The following HIVEP3 variants were observed in gnomAD, a reference collection of about 807,000 sequenced individuals.
The protein encoded by HIVEP3 is transcription factor HIVEP3.
Under a neutral mutation model 152.8 loss-of-function variants are expected in HIVEP3, and 49 were observed. That is an observed-to-expected ratio of 0.32 (90% CI 0.26 to 0.41). The LOEUF (loss-of-function observed/expected upper bound fraction) is 0.41. Among genes scored for constraint, HIVEP3 ranks in the 10% least tolerant of loss-of-function variants. HIVEP3 has a pLI of 1.00. For missense variants in HIVEP3, 2,790 were observed against 3,103.3 expected (o/e 0.90, Z 2.40); for synonymous variants, 1,269 against 1,289.0 (o/e 0.98, Z 0.33).
Position 41,632,405 on chromosome 1 carries a change from G to GA in HIVEP3, c.-720-3459dup, listed in dbSNP as rs750687200. On this transcript the variant is annotated intron_variant, in intron 2 of 8. Transcript: ENST00000372583. ...ATGGTGTCTGAATGTGTAAGAGAGAGAAAAAAGAAAGAGGATATTTAAAAC... is the reference window on the plus strand; with the variant it reads ...ATGGTGTCTGAATGTGTAAGAGAGAGAAAAAAAGAAAGAGGATATTTAAAAC... Among the ~76,000 whole-genome samples, 30 of 152,104 alleles carry GA rather than the reference G, an allele frequency of 2.0e-4. No individual in the cohort carries two copies. The East Asian group carries it at 3.1e-3, about 16-fold the overall frequency.
chr1:41,801,157 A>T (rs1467467199), intron 1 of HIVEP3, among the ~76,000 whole-genome samples: 1 of 152,174 alleles, frequency 6.6e-6, no homozygotes, highest in African/African-American at 2.4e-5. Flanking sequence ...CTTTTTGCTG[A>T]AGGACCCTCT....
At chr1:41,536,713 A>G (rs990345125) in intron 5 of HIVEP3, among the ~76,000 whole-genome samples, 4 of 152,178 alleles carry the variant, frequency 2.6e-5, no homozygotes, top group African/African-American at 9.7e-5. Context: ...TTAAAAAAAA[A>G]CTAAAAATAT....
intron 1 of HIVEP3, among the ~76,000 whole-genome samples, chr1:41,848,672 G>C (rs531336277): frequency 2.6e-5 from 4 of 152,168 alleles, no homozygotes; most frequent in Non-Finnish European, 5.9e-5. Context: ...ATTACAGAAA[G>C]AGGGCAGAAG....
intron 1 of HIVEP3, among the ~76,000 whole-genome samples, chr1:42,011,786 C>A (rs146097682): frequency 6.6e-6 from 1 of 152,346 alleles, no homozygotes; most frequent in African/African-American, 2.4e-5. Flanking sequence ...TTCACAATTT[C>A]TTCCTCCATC....
chr1:41,702,610 A>C (rs994694890), intron 1 of HIVEP3, among the ~76,000 whole-genome samples: 4 of 152,210 alleles, frequency 2.6e-5, no homozygotes, highest in African/African-American at 4.8e-5. Flanking sequence ...GCAGGTCATT[A>C]TTATTCATGT....
chr1:41,812,183 TTCCCTTTAAACAGGGCC>T (rs1650999043), intron 1 of HIVEP3, among the ~76,000 whole-genome samples: 1 of 152,206 alleles, frequency 6.6e-6, no homozygotes, highest in Non-Finnish European at 1.5e-5. Context: ...GAGGCAGTCC[TTCCCTTTAAACAGGGCC>T]TTCATTAAGC....
At chr1:41,732,069 C>CATGTGG (rs1389100740) in intron 1 of HIVEP3, among the ~76,000 whole-genome samples, 1 of 152,120 alleles carries the variant, frequency 6.6e-6, no homozygotes, top group Non-Finnish European at 1.5e-5. Flanking sequence ...AAGGCTGTGG[C>CATGTGG]ATGTGGTGGG....
chr1:41,662,429 G>A lies in HIVEP3; in HGVS notation c.-720-33482C>T, dbSNP rs1172047992. On this transcript the variant is annotated intron_variant, in intron 2 of 8. Coordinates refer to ENST00000372583, the MANE Select transcript of HIVEP3 (RefSeq NM_024503.5). This position sits in a 1 kb window ranked among gnomAD's most constrained non-coding sequence, Gnocchi z 7.2. ...ATGTCAGGGGAAGTCGCAGGGGCCG[G>A]ACCACCCACTTCTTTCCATTCACTC... 2.6e-5 allele frequency: 4 copies of A among 151,000 alleles called. No homozygotes were observed. The highest frequency in any genetic ancestry group is 9.7e-5 in the African/African-American group (4 of 41,358). The allele number at this position is 151,000 out of a possible 1,614,324, so 9.4% of individuals were successfully genotyped here. A position where few individuals can be genotyped will look rare whatever the true frequency, so the allele number is the denominator to read the frequency against.
chr1:41,822,202 G>GGCCTCTCTCCCTATGTT (rs1424802500), intron 1 of HIVEP3, among the ~76,000 whole-genome samples: 1 of 152,068 alleles, frequency 6.6e-6, no homozygotes, highest in Non-Finnish European at 1.5e-5. Flanking sequence ...CATCCTCCAG[G>GGCCTCTCTCCCTATGTT]GCCTCTCTCC....
At chr1:41,550,412 T>C (rs1643882311) in intron 5 of HIVEP3, among the ~76,000 whole-genome samples, 1 of 152,212 alleles carries the variant, frequency 6.6e-6, no homozygotes, top group Non-Finnish European at 1.5e-5. Flanking sequence ...GTGAAGAAAG[T>C]CATTGGTAGC....
intron 5 of HIVEP3, among the ~76,000 whole-genome samples, chr1:41,566,785 G>A (rs1644170406): frequency 2.0e-5 from 3 of 152,072 alleles, no homozygotes; most frequent in Admixed American, 6.5e-5. Flanking sequence ...CACTTGGCTG[G>A]GTCTCTTCCT....
chr1:41,601,555 G>T (rs568906651), intron 3 of HIVEP3, among the ~76,000 whole-genome samples: 1 of 152,112 alleles, frequency 6.6e-6, no homozygotes, highest in East Asian at 1.9e-4. Context: ...CTAGTTTGTT[G>T]TTAGTGTATA....
At chr1:42,015,484 G>A (rs950493124) in intron 1 of HIVEP3, among the ~76,000 whole-genome samples, 3 of 152,196 alleles carry the variant, frequency 2.0e-5, no homozygotes, top group African/African-American at 7.2e-5. Context: ...TAGACACAGA[G>A]CAAGACCTGC....
chr1:41,758,021 C>G (rs1342864226), intron 1 of HIVEP3, among the ~76,000 whole-genome samples: 2 of 152,118 alleles, frequency 1.3e-5, no homozygotes, highest in African/African-American at 2.4e-5. Context: ...CTACTTTCTA[C>G]TTTTTAATAA....
At chr1:42,023,448 TA>T (rs1193851981) in intron 1 of HIVEP3, among the ~76,000 whole-genome samples, 1 of 152,218 alleles carries the variant, frequency 6.6e-6, no homozygotes, top group Non-Finnish European at 1.5e-5. Context: ...AGCCCATTGA[TA>T]TGGTTTGGAT....
chr1:41,781,264 A>G (rs1649024410), intron 1 of HIVEP3, among the ~76,000 whole-genome samples: 1 of 152,222 alleles, frequency 6.6e-6, no homozygotes, highest in Admixed American at 6.5e-5. Flanking sequence ...GGGGAAAGTT[A>G]TCATTGTGAC....
intron 2 of HIVEP3, among the ~76,000 whole-genome samples, chr1:41,694,490 C>A (rs542966145): frequency 6.6e-6 from 1 of 152,298 alleles, no homozygotes; most frequent in East Asian, 1.9e-4. Flanking sequence ...AGACATCCTC[C>A]TGGAAAGCTA....
intron 1 of HIVEP3, among the ~76,000 whole-genome samples, chr1:41,899,450 A>G (rs1644584817): frequency 6.6e-6 from 1 of 152,202 alleles, no homozygotes; most frequent in Non-Finnish European, 1.5e-5. Context: ...CTTGTTGCCC[A>G]GGCTGGAGTG....
chr1:41,807,991 C>T (rs1650735003), intron 1 of HIVEP3, among the ~76,000 whole-genome samples: 1 of 152,190 alleles, frequency 6.6e-6, no homozygotes, highest in African/African-American at 2.4e-5. Flanking sequence ...CCAGAAGTCA[C>T]TGCTATTTCC....
Sources: gnomAD v4.1 joint callset for allele counts (sites outside exome capture counted in the v4.1 genomes callset) on GRCh38, gnomAD v4.1.1 for gene constraint, Gnocchi (gnomAD v3.1) non-coding constraint, MANE v1.5 for transcripts, NCBI Gene and HGNC (gene_info 2026-07-23, HGNC 2026-07-21) for gene names.